Variants in EPHA7 observed in about 807,000 individuals in gnomAD.
EPHA7 encodes the protein ephrin type-A receptor 7.
EPHA7 carries 25 observed loss-of-function variants against 112.6 expected under a neutral mutation model. That is an observed-to-expected ratio of 0.22 (90% confidence interval 0.16 to 0.31). The LOEUF (loss-of-function observed/expected upper bound fraction) is 0.31, where lower values mean the gene tolerates loss of function less well. Among genes scored for constraint, EPHA7 ranks in the 10% least tolerant of loss-of-function variants. EPHA7 has a pLI of 1.00. For missense variants in EPHA7, 962 were observed against 1,212.6 expected (o/e 0.79, Z 3.07); for synonymous variants, 437 against 406.5 (o/e 1.07, Z -0.90).
chr6:93,281,715 C>T (rs1037789773), intron 5 of EPHA7, among the ~76,000 whole-genome samples: 9 of 151,966 alleles, frequency 5.9e-5, no homozygotes, highest in African/African-American at 2.2e-4. Flanking sequence ...TAATAGTATT[C>T]CAATCTCAAA....
chr6:93,417,118 T>C (rs1050374837), intron 1 of EPHA7, among the ~76,000 whole-genome samples: 3 of 152,106 alleles, frequency 2.0e-5, no homozygotes, highest in Non-Finnish European at 4.4e-5. Context: ...AGCTGCACTT[T>C]GCCTTCAAGC....
At chr6:93,419,087 C>T (rs1056474908) in intron 1 of EPHA7, among the ~76,000 whole-genome samples, 158 bp downstream of exon 1, 1 of 152,138 alleles carries the variant, frequency 6.6e-6, no homozygotes, top group Non-Finnish European at 1.5e-5. Context: ...CTCGCTGGTC[C>T]GCCAGGAGCG....
intron 5 of EPHA7, among the ~76,000 whole-genome samples, chr6:93,341,503 A>C (rs564210004): frequency 6.6e-6 from 1 of 151,976 alleles, no homozygotes; most frequent in East Asian, 1.9e-4. Flanking sequence ...GAAAGTATAA[A>C]AAGTGAGGTA....
intron 3 of EPHA7, among the ~76,000 whole-genome samples, chr6:93,368,880 A>C (rs1776644558): frequency 6.6e-6 from 1 of 152,108 alleles, no homozygotes; most frequent in African/African-American, 2.4e-5. Context: ...AGTCTTGTGA[A>C]GCAAATAACC....
chr6:93,321,835 G>A (rs2127885318), intron 5 of EPHA7, among the ~76,000 whole-genome samples: 1 of 151,894 alleles, frequency 6.6e-6, no homozygotes, highest in South Asian at 2.1e-4. Flanking sequence ...ATCTCTTTTT[G>A]AGATTAATGT....
intron 5 of EPHA7, among the ~76,000 whole-genome samples, chr6:93,334,886 T>A (rs1247275887): frequency 6.6e-6 from 1 of 152,104 alleles, no homozygotes; most frequent in Non-Finnish European, 1.5e-5. Context: ...ATTTTAAAAT[T>A]TTCCAGTATT....
chr6:93,367,959 T>C (rs1418807802), intron 3 of EPHA7, among the ~76,000 whole-genome samples: 1 of 152,080 alleles, frequency 6.6e-6, no homozygotes, highest in African/African-American at 2.4e-5. Context: ...AAATAAGAAA[T>C]ACAAATTAGT....
intron 5 of EPHA7, among the ~76,000 whole-genome samples, chr6:93,309,044 G>A (rs891503219): frequency 3.3e-5 from 5 of 152,026 alleles, no homozygotes; most frequent in Non-Finnish European, 7.4e-5. Context: ...CACCTCCCGG[G>A]TTCAAGTGAT....
intron 5 of EPHA7, among the ~76,000 whole-genome samples, chr6:93,283,039 G>C (rs1205580078): frequency 6.6e-6 from 1 of 152,220 alleles, no homozygotes; most frequent in African/African-American, 2.4e-5. Flanking sequence ...GCCCCGGTGC[G>C]GGATCCATTG....
At chr6:93,264,748 G>T in intron 7 of EPHA7, 46 bp from the exon 8 acceptor site, 6 of 1,131,788 alleles carry the variant, frequency 5.3e-6, no homozygotes, top group South Asian at 3.0e-5. Flanking sequence ...CACCATGCAA[G>T]AACTTGAAAG....
rs544448953 is a variant in EPHA7, at chr6:93,394,492, G to GT, written c.832+16008dup. On this transcript the variant is annotated intron_variant, in intron 3 of 16. Transcript: ENST00000369303. ...GAAGAACTGACTAAACACATGTTTA[G>GT]TGTCTGTATGATTAGGTTCAGGAAC... Among the ~76,000 whole-genome samples, 207 of 151,766 alleles carry GT rather than the reference G, an allele frequency of 1.4e-3. 1 individual carries two copies. The highest frequency in any genetic ancestry group is 4.8e-3 in the African/African-American group (201 of 41,470).
At chr6:93,247,894 T>C (rs1485968268) in intron 14 of EPHA7, among the ~76,000 whole-genome samples, 1 of 152,172 alleles carries the variant, frequency 6.6e-6, no homozygotes, top group East Asian at 1.9e-4. Flanking sequence ...AGAAAAATTA[T>C]CATTCAGACT....
At chr6:93,339,695 T>C (rs572703528) in intron 5 of EPHA7, among the ~76,000 whole-genome samples, 1 of 151,894 alleles carries the variant, frequency 6.6e-6, no homozygotes, top group South Asian at 2.1e-4. Context: ...GATTTTATTT[T>C]GATATAGAAA....
chr6:93,397,584 A>T (rs1200917523), intron 3 of EPHA7, among the ~76,000 whole-genome samples: 1 of 151,908 alleles, frequency 6.6e-6, no homozygotes, highest in African/African-American at 2.4e-5. Context: ...TGTTCAACTG[A>T]CCTAAGCAGT....
At chr6:93,341,862 T>G (rs1288137176) in intron 5 of EPHA7, among the ~76,000 whole-genome samples, 1 of 151,904 alleles carries the variant, frequency 6.6e-6, no homozygotes, top group Admixed American at 6.6e-5. Flanking sequence ...TCTTTGATTA[T>G]GGAAGTATAT....
intron 5 of EPHA7, among the ~76,000 whole-genome samples, chr6:93,330,451 CT>C (rs1047015113): frequency 1.3e-5 from 2 of 151,314 alleles, no homozygotes; most frequent in African/African-American, 4.8e-5. Flanking sequence ...CCTCTCTCCC[CT>C]AACCTTCTCA....
Position 93,410,741 on chromosome 6 carries a change from C to T in EPHA7, c.592G>A (p.Val198Ile), listed in dbSNP as rs772940573. ...CAGCACTTCTTGTAGTACACTTTGA[C>T]AGAAACCAAAGCTATGCAAGCCCCT... ...DVGACIALVS[V>I]KVYYKKCWSI... The change falls in exon 3 of 17, where the codon GTC becomes ATC. Residue 198 changes from valine (V) to isoleucine (I), a missense_variant. Val to Ile is a conservative substitution (Grantham distance 29). Coordinates refer to ENST00000369303, the MANE Select transcript of EPHA7 (RefSeq NM_004440.4). This position sits in a 1 kb window ranked among gnomAD's most constrained non-coding sequence, Gnocchi z 4.0. 17 of 1,613,878 alleles carry T rather than the reference C, an allele frequency of 1.1e-5. No individual in the cohort carries two copies. The East Asian group carries it at 3.3e-4, about 32-fold the overall frequency.
intron 12 of EPHA7, 112 bp downstream of exon 12, chr6:93,257,350 A>C: frequency 1.4e-6 from 1 of 691,128 alleles, no homozygotes; most frequent in South Asian, 2.0e-5. Context: ...ACAATCTTCT[A>C]ACCTCTTACT....
rs351330 is a variant in EPHA7 at position 93,414,635 on chromosome 6, C to A, written c.162+68G>T. On this transcript the variant is annotated intron_variant, in intron 2 of 16. Transcript: ENST00000369303. ...TACATGAAGAGTGTGAATAATTACC[C>A]TGGAGGGAAGGGAAACGTTTTGTTT... The A allele has an allele frequency of 8.5e-3, 10,297 of 1,206,602 alleles. 657 individuals carry two copies. The African/African-American group carries it at 0.13, about 16-fold the overall frequency. The allele number at this position is 1,206,602 out of a possible 1,614,324, so 74.7% of individuals were successfully genotyped here. A position where few individuals can be genotyped will look rare whatever the true frequency, so the allele number is the denominator to read the frequency against.
Sources: allele counts gnomAD v4.1 joint callset (sites outside exome capture counted in the v4.1 genomes callset), GRCh38; gene constraint gnomAD v4.1.1; non-coding constraint Gnocchi (gnomAD v3.1); transcripts MANE v1.5; gene names NCBI Gene and HGNC (gene_info 2026-07-23, HGNC 2026-07-21).